Variants in RBPJ observed in about 807,000 individuals in gnomAD.
The protein encoded by RBPJ is recombination signal binding protein for immunoglobulin kappa J region, also known as recombining binding protein suppressor of hairless.
Under a neutral mutation model 67.8 loss-of-function variants are expected in RBPJ, and 9 were observed. The observed-to-expected ratio is 0.13, with a 90% CI of 0.08 to 0.23. The LOEUF (loss-of-function observed/expected upper bound fraction) is 0.23, where lower values mean the gene tolerates loss of function less well. Among genes scored for constraint, RBPJ ranks in the 10% least tolerant of loss-of-function variants. The pLI, the probability that RBPJ is intolerant of heterozygous loss-of-function variation, is 1.00. For missense variants in RBPJ, 305 were observed against 595.6 expected (o/e 0.51, Z 5.08); for synonymous variants, 198 against 203.3 (o/e 0.97, Z 0.22).
intron 1 of RBPJ, among the ~76,000 whole-genome samples, chr4:26,313,543 G>A (rs184128609): frequency 9.9e-5 from 15 of 152,152 alleles, no homozygotes; most frequent in African/African-American, 2.2e-4. Flanking sequence ...GGTGGCGGGC[G>A]CCTGTAGTCC....
chr4:26,344,154 A>G (rs1725867455), intron 1 of RBPJ, among the ~76,000 whole-genome samples: 1 of 152,214 alleles, frequency 6.6e-6, no homozygotes, highest in Admixed American at 6.5e-5. Context: ...AAGTGCTGGG[A>G]TTACAGGTGT....
chr4:26,322,261 T>C (rs775469277), intron 1 of RBPJ: 6 of 152,224 alleles, frequency 3.9e-5, no homozygotes, highest in Non-Finnish European at 8.8e-5. Context: ...TGTTTGAGAA[T>C]AGTTTCAGAT....
At chr4:26,369,011 C>G (rs75325384) in intron 1 of RBPJ, among the ~76,000 whole-genome samples, 2,209 of 152,268 alleles carry the variant, frequency 0.015, 38 homozygotes, top group Middle Eastern at 0.051. Flanking sequence ...CCCTCATTAG[C>G]AGATTTTGCT....
the RBPJ span, among the ~76,000 whole-genome samples, chr4:26,157,125 C>A: frequency 2.0e-5 from 3 of 150,386 alleles, no homozygotes; most frequent in African/African-American, 4.9e-5. Flanking sequence ...ACAAAAAAAC[C>A]CCCAAAACTA....
At chr4:26,158,746 T>C (rs574226262), upstream of RBPJ, among the ~76,000 whole-genome samples, 1 of 152,298 alleles carries the variant, frequency 6.6e-6, no homozygotes, top group South Asian at 2.1e-4. Flanking sequence ...TTAACTTGAA[T>C]TGTAAAACCA....
chr4:26,319,994 C>A (rs990762258), upstream of RBPJ: 1 of 988,780 alleles, frequency 1.0e-6, no homozygotes, highest in African/African-American at 1.6e-5. Flanking sequence ...AAGCGCGATT[C>A]GGGCAGCCGG....
At chr4:26,392,404 A>G (rs1383720565) in intron 2 of RBPJ, among the ~76,000 whole-genome samples, 2 of 152,230 alleles carry the variant, frequency 1.3e-5, no homozygotes, top group Non-Finnish European at 2.9e-5. Context: ...TCACACATAC[A>G]TAACCCCAAT....
At chr4:26,364,611 T>C (rs1399495067) in intron 1 of RBPJ, among the ~76,000 whole-genome samples, 2 of 151,062 alleles carry the variant, frequency 1.3e-5, no homozygotes, top group Non-Finnish European at 2.9e-5. Context: ...TTTTTTTTTT[T>C]TCTTTTTCAT....
intron 1 of RBPJ, among the ~76,000 whole-genome samples, chr4:26,265,820 C>T (rs1490443659): frequency 6.6e-6 from 1 of 151,790 alleles, no homozygotes; most frequent in African/African-American, 2.4e-5. Context: ...GGGTGGATCA[C>T]GAGGTCAGGA....
intron 1 of RBPJ, among the ~76,000 whole-genome samples, chr4:26,270,437 GAAGAAAGA>G (rs1553855392): frequency 4.6e-4 from 14 of 30,196 alleles, no homozygotes; most frequent in Admixed American, 2.6e-3. Context: ...AAGAAAGAAA[GAAGAAAGA>G]AAGAAAGAAA....
the RBPJ span, among the ~76,000 whole-genome samples, chr4:26,126,436 CTCTCTT>C: frequency 1.3e-5 from 2 of 152,252 alleles, no homozygotes; most frequent in Non-Finnish European, 2.9e-5. Flanking sequence ...AGATACTCCT[CTCTCTT>C]TCCCTTTTCC....
chr4:26,282,304 T>A (rs773850522), intron 1 of RBPJ, among the ~76,000 whole-genome samples: 2 of 152,062 alleles, frequency 1.3e-5, no homozygotes, highest in Non-Finnish European at 2.9e-5. Context: ...GCCAACACCA[T>A]GTCAAAATCC....
intron 1 of RBPJ, among the ~76,000 whole-genome samples, chr4:26,181,578 T>C (rs1307779995): frequency 1.3e-5 from 2 of 152,170 alleles, no homozygotes; most frequent in Non-Finnish European, 2.9e-5. Flanking sequence ...TTCATTCTTG[T>C]GTGAACATCG....
chr4:26,391,316 A>G (rs1731478967), intron 2 of RBPJ, among the ~76,000 whole-genome samples: 1 of 152,234 alleles, frequency 6.6e-6, no homozygotes, highest in African/African-American at 2.4e-5. Context: ...GTGACAGAAT[A>G]GTGGCCAGAA....
chr4:26,173,938 T>G (rs759914404), intron 1 of RBPJ, among the ~76,000 whole-genome samples: 13 of 152,110 alleles, frequency 8.5e-5, no homozygotes, highest in Non-Finnish European at 1.9e-4. Context: ...CAAAGTACCG[T>G]AGGGAAGCAC....
At chr4:26,323,604 G>A (rs944345861) in intron 1 of RBPJ, among the ~76,000 whole-genome samples, 3 of 152,136 alleles carry the variant, frequency 2.0e-5, no homozygotes, top group African/African-American at 7.2e-5. Flanking sequence ...CAGAAAACAG[G>A]AGACTTGCAA....
intron 1 of RBPJ, among the ~76,000 whole-genome samples, chr4:26,169,970 C>T (rs1482263448): frequency 7.9e-5 from 12 of 152,114 alleles, no homozygotes; most frequent in South Asian, 6.2e-4. Context: ...TTCCAGGTGC[C>T]GTCTGTCACC....
At chr4:26,308,103 C>T (rs1436000629) in intron 1 of RBPJ, among the ~76,000 whole-genome samples, 4 of 152,030 alleles carry the variant, frequency 2.6e-5, no homozygotes, top group Non-Finnish European at 5.9e-5. Context: ...GGTGAAACCC[C>T]GTCTCTACTA....
chr4:26,353,045 A>G (rs139459089), intron 1 of RBPJ, among the ~76,000 whole-genome samples: 2 of 152,350 alleles, frequency 1.3e-5, no homozygotes, highest in African/African-American at 4.8e-5. Context: ...AACCCGGTGG[A>G]AAGTGTAGCA....
Sources: allele counts gnomAD v4.1 joint callset (sites outside exome capture counted in the v4.1 genomes callset), GRCh38; gene constraint gnomAD v4.1.1; transcripts MANE v1.5; gene names NCBI Gene and HGNC (gene_info 2026-07-23, HGNC 2026-07-21).